Variants in DDX10 observed in about 807,000 individuals in gnomAD.
DDX10 encodes the protein DEAD-box helicase 10.
In DDX10, 74 loss-of-function variants were observed where a neutral mutation model predicts 104.3. The observed-to-expected ratio is 0.71, with a 90% CI of 0.59 to 0.86. The LOEUF (loss-of-function observed/expected upper bound fraction) is 0.86. Among genes scored for constraint, DDX10 ranks in the 40% least tolerant of loss-of-function variants. The probability of loss-of-function intolerance (pLI) is 0.00; values close to 1 mark genes in which losing one functional copy is unlikely to be tolerated. For synonymous variants in DDX10, 351 were observed against 353.4 expected, an observed-to-expected ratio of 0.99 and a Z score of 0.08; for missense variants, 952 against 1,040.0, an observed-to-expected ratio of 0.92 and a Z score of 1.16.
chr11:108,860,549 T>A (rs966535585), intron 16 of DDX10: 2 of 152,094 alleles, frequency 1.3e-5, no homozygotes, highest in African/African-American at 4.8e-5. Flanking sequence ...TTTTTTTTTC[T>A]TTTTTCTTTT....
chr11:108,826,546 T>C (rs1235496683), intron 13 of DDX10, among the ~76,000 whole-genome samples: 1 of 152,230 alleles, frequency 6.6e-6, no homozygotes, highest in Non-Finnish European at 1.5e-5. Flanking sequence ...TTTATGTCCA[T>C]TCAGTCGAAG....
chr11:108,913,749 T>G (rs1207418045), intron 16 of DDX10, among the ~76,000 whole-genome samples: 1 of 152,200 alleles, frequency 6.6e-6, no homozygotes, highest in Non-Finnish European at 1.5e-5. Context: ...ATGTCCATTT[T>G]CTTACCGTAT....
intron 13 of DDX10, among the ~76,000 whole-genome samples, chr11:108,742,283 A>AG (rs1319378783): frequency 1.4e-5 from 2 of 142,176 alleles, no homozygotes; most frequent in African/African-American, 5.3e-5. Flanking sequence ...AACAAAAAAA[A>AG]AACCCTGGGC....
intron 16 of DDX10, among the ~76,000 whole-genome samples, chr11:108,875,294 C>G (rs977839359): frequency 1.6e-4 from 25 of 152,130 alleles, no homozygotes; most frequent in African/African-American, 5.8e-4. Context: ...CTTGTTGTAT[C>G]TTAGCTCTTT....
At chr11:108,685,141 T>C (rs575643255) in intron 6 of DDX10, among the ~76,000 whole-genome samples, 69 of 151,824 alleles carry the variant, frequency 4.5e-4, no homozygotes, top group African/African-American at 1.6e-3. Flanking sequence ...TTTTCTCCCA[T>C]GTTGTAGGTT....
intron 7 of DDX10, chr11:108,690,797 C>A: frequency 4.0e-6 from 1 of 250,412 alleles, no homozygotes; most frequent in South Asian, 4.9e-5. Context: ...GTCTTCATGT[C>A]CTTCACCAAG....
intron 13 of DDX10, among the ~76,000 whole-genome samples, chr11:108,794,950 C>G (rs1043945648): frequency 1.6e-4 from 24 of 152,038 alleles, no homozygotes; most frequent in African/African-American, 5.3e-4. Flanking sequence ...GCCTTAGCCT[C>G]CCCAATAGCT....
At chr11:108,765,145 GC>G (rs1335000749) in intron 13 of DDX10, among the ~76,000 whole-genome samples, 1 of 152,056 alleles carries the variant, frequency 6.6e-6, no homozygotes, top group Admixed American at 6.6e-5. Flanking sequence ...ACATTATTTT[GC>G]CAATTCCCTA....
chr11:108,671,865 C>T (rs2094217467), intron 1 of DDX10, among the ~76,000 whole-genome samples: 1 of 151,926 alleles, frequency 6.6e-6, no homozygotes, highest in Non-Finnish European at 1.5e-5. Context: ...CAAGACCATC[C>T]TGGCTAACAC....
At chr11:108,744,214 C>G (rs1454240265) in intron 13 of DDX10, among the ~76,000 whole-genome samples, 1 of 152,066 alleles carries the variant, frequency 6.6e-6, no homozygotes, top group Non-Finnish European at 1.5e-5. Context: ...AGAGGGTAGT[C>G]TCGTCATAGG....
At chr11:108,844,464 G>A (rs1213323279) in intron 15 of DDX10, among the ~76,000 whole-genome samples, 2 of 152,094 alleles carry the variant, frequency 1.3e-5, no homozygotes, top group African/African-American at 4.8e-5. Context: ...CACAAATATG[G>A]GCACTCAAAT....
At chr11:108,678,522 T>C (rs921784160) in intron 5 of DDX10, 87 bp downstream of exon 5, 12 of 1,282,098 alleles carry the variant, frequency 9.4e-6, no homozygotes, top group Non-Finnish European at 1.2e-5. Flanking sequence ...AGAAATTTTA[T>C]GTTAGATAAA....
intron 16 of DDX10, among the ~76,000 whole-genome samples, chr11:108,891,666 T>C (rs1204743272): frequency 6.6e-6 from 1 of 152,170 alleles, no homozygotes; most frequent in African/African-American, 2.4e-5. Flanking sequence ...TTATATTACA[T>C]ATTGTGGTTC....
rs1312910131 is a variant in DDX10 at position 108,861,040 on chromosome 11, G to A, written c.2304+8831G>A. 2.6e-5 allele frequency: 4 copies of A among 151,672 alleles called. No homozygotes were observed. The East Asian group carries it at 7.7e-4, about 29-fold the overall frequency. 9.4% of individuals were successfully genotyped at this position (151,672 alleles called of 1,614,324 possible). A position where few individuals can be genotyped will look rare whatever the true frequency, so the allele number is the denominator to read the frequency against. ...GATACAAAGTATTGATCCTGGGTGT[G>A]TCTGTGAGGGTGTTACCAAGAGAGA... On this transcript the variant is annotated intron_variant, in intron 16 of 17. Transcript: ENST00000322536.
chr11:108,860,494 G>A (rs1862926342), intron 16 of DDX10: 2 of 152,122 alleles, frequency 1.3e-5, no homozygotes, highest in Admixed American at 6.6e-5. Flanking sequence ...GTCAGTCGTA[G>A]GGAGGAAGAA....
chr11:108,668,313 C>G (rs1198215364), intron 1 of DDX10, among the ~76,000 whole-genome samples: 1 of 152,160 alleles, frequency 6.6e-6, no homozygotes, highest in Admixed American at 6.5e-5. Context: ...ACCAGTGCAC[C>G]AAACCAGTAG....
chr11:108,678,507 A>G, intron 5 of DDX10, 72 bp downstream of exon 5: 1 of 1,344,372 alleles, frequency 7.4e-7, no homozygotes, highest in Non-Finnish European at 9.9e-7. Flanking sequence ...ATACATTTTT[A>G]TGATAGAAAT....
At chr11:108,793,449 A>G (rs1380095511) in intron 13 of DDX10, among the ~76,000 whole-genome samples, 1 of 152,108 alleles carries the variant, frequency 6.6e-6, no homozygotes, top group East Asian at 1.9e-4. Context: ...TAAGGAGTAT[A>G]TTTCATGACT....
chr11:108,677,542 T>C (rs544143778), intron 4 of DDX10, among the ~76,000 whole-genome samples: 1 of 152,062 alleles, frequency 6.6e-6, no homozygotes, highest in South Asian at 2.1e-4. Context: ...TTTCCATATA[T>C]GAACTAGTAC....
Sources: gnomAD v4.1 joint callset for allele counts (sites outside exome capture counted in the v4.1 genomes callset) on GRCh38, gnomAD v4.1.1 for gene constraint, MANE v1.5 for transcripts, NCBI Gene and HGNC (gene_info 2026-07-23, HGNC 2026-07-21) for gene names.